The following KCNC2 variants were observed in gnomAD, a reference collection of about 807,000 sequenced individuals.
KCNC2 encodes voltage-gated potassium channel KCNC2.
In KCNC2, 21 loss-of-function variants were observed where a neutral mutation model predicts 44.5. The ratio of observed to expected loss-of-function variants is 0.47; its 90% CI spans 0.33 to 0.68. KCNC2 has a LOEUF of 0.68. Among genes scored for constraint, KCNC2 ranks in the 30% least tolerant of loss-of-function variants. The probability of loss-of-function intolerance (pLI) is 0.01; values close to 1 mark genes in which losing one functional copy is unlikely to be tolerated. For synonymous variants in KCNC2, 391 were observed against 339.1 expected (o/e 1.15, Z -1.68); for missense variants, 589 against 826.2 (o/e 0.71, Z 3.52).
At chr12:75,074,020 T>A (rs751790510) in intron 2 of KCNC2, among the ~76,000 whole-genome samples, 2 of 152,114 alleles carry the variant, frequency 1.3e-5, no homozygotes, top group African/African-American at 4.8e-5. Flanking sequence ...GTCTGCCTAT[T>A]GAAATTATAA....
At chr12:75,063,392 T>C (rs1012083992) in intron 2 of KCNC2, among the ~76,000 whole-genome samples, 1 of 152,094 alleles carries the variant, frequency 6.6e-6, no homozygotes, top group Non-Finnish European at 1.5e-5. Flanking sequence ...TAAACTTGGA[T>C]TGAATTGATT....
chr12:75,181,916 C>CTTTTTTTTT lies in KCNC2; in HGVS notation c.687+25372_687+25380dup, dbSNP rs61089425. 1.1e-3 allele frequency among the ~76,000 whole-genome samples: 53 copies of CTTTTTTTTT among 47,876 alleles called. 20 individuals are homozygous for CTTTTTTTTT. The highest frequency in any genetic ancestry group is 1.9e-3 in the Admixed American group (5 of 2,622). The allele number at this position is 47,876 out of a possible 152,430, so 31.4% of individuals were successfully genotyped here. On this transcript the variant is annotated intron_variant, in intron 2 of 4. Coordinates refer to ENST00000549446, the MANE Select transcript of KCNC2 (RefSeq NM_139137.4). ...AAACATTATTACTATTAATATCTTCCTTTTTTTTTTTTTTTTTTTTTTTTT... is the reference window on the plus strand; with the variant it reads ...AAACATTATTACTATTAATATCTTCCTTTTTTTTTTTTTTTTTTTTTTTTTTTTTTTTTT...
At chr12:75,050,014 G>T (rs994562549) in intron 3 of KCNC2, among the ~76,000 whole-genome samples, 1 of 151,960 alleles carries the variant, frequency 6.6e-6, no homozygotes, top group Non-Finnish European at 1.5e-5. Context: ...CAAGCCAAAC[G>T]ATATGGAGAT....
At chr12:75,066,128 CTTT>C (rs1882807896) in intron 2 of KCNC2, among the ~76,000 whole-genome samples, 1 of 152,032 alleles carries the variant, frequency 6.6e-6, no homozygotes, top group Non-Finnish European at 1.5e-5. Context: ...TCACCGTCTT[CTTT>C]ATCATTTTCT....
intron 3 of KCNC2, among the ~76,000 whole-genome samples, 181 bp downstream of exon 3, chr12:75,050,209 G>T (rs1450579903): frequency 6.6e-6 from 1 of 151,626 alleles, no homozygotes; most frequent in East Asian, 2.0e-4. Flanking sequence ...CCTACTTGGG[G>T]TTCAATTAGA....
chr12:75,198,617 T>C (rs1162411278), intron 2 of KCNC2, among the ~76,000 whole-genome samples: 2 of 151,852 alleles, frequency 1.3e-5, no homozygotes, highest in African/African-American at 2.4e-5. Flanking sequence ...AATTAATACA[T>C]CAACATCGGT....
In KCNC2 at chr12:75,048,288, C is replaced by T; in HGVS notation, c.1645G>A (p.Glu549Lys). 1 of 1,612,570 alleles carries T rather than the reference C, an allele frequency of 6.2e-7. No homozygotes were observed. The highest frequency in any genetic ancestry group is 8.5e-7 in the Non-Finnish European group (1 of 1,179,230). The change falls in exon 4 of 5, where the codon GAG (glutamate) becomes AAG (lysine). Residue 549 changes from glutamate (E) to lysine (K), a missense_variant. Glu to Lys is a moderately conservative substitution (Grantham distance 56). Around this residue, in one of 7 missense-constraint regions of KCNC2, gnomAD observed 171 missense variants for 182.4 expected, o/e 0.94. Coordinates refer to ENST00000549446, the MANE Select transcript of KCNC2 (RefSeq NM_139137.4). Reference sequence around the variant, plus strand: ...CTTTCTGGGGGTGATAGTGGCGGCTCACTTCCTGTACTGTCGTCACCTGAT... The same window carrying T: ...CTTTCTGGGGGTGATAGTGGCGGCTTACTTCCTGTACTGTCGTCACCTGAT... ...VLSGDDSTGS[E>K]PPLSPPERLP...
chr12:75,198,525 C>T (rs2030967619), intron 2 of KCNC2, among the ~76,000 whole-genome samples: 2 of 151,660 alleles, frequency 1.3e-5, no homozygotes, highest in African/African-American at 4.8e-5. Flanking sequence ...AAGAGAGAAG[C>T]AGAACAACTT....
intron 2 of KCNC2, among the ~76,000 whole-genome samples, chr12:75,163,900 C>T (rs1223105775): frequency 6.6e-6 from 1 of 151,662 alleles, no homozygotes; most frequent in Non-Finnish European, 1.5e-5. Context: ...ATGAGACTTG[C>T]TGCAAAGTTT....
At position 75,132,575 on chromosome 12, in the gene KCNC2, A is replaced by G. The variant is rs143225859; in HGVS notation, c.687+74722T>C. On this transcript the variant is annotated intron_variant, in intron 2 of 4. Coordinates refer to ENST00000549446, the MANE Select transcript of KCNC2 (RefSeq NM_139137.4). ...GCAAGGACACATGTTAAGGTGAAAC[A>G]TATTGTTGGCAAAATTGCAACTTTT... Among the ~76,000 whole-genome samples the G allele has an allele frequency of 3.9e-3, 599 of 152,270 alleles. 3 individuals are homozygous for G. Among genetic ancestry groups the G allele is most frequent in the Non-Finnish European group, 6.4e-3 (432 of 67,994 alleles).
chr12:75,100,743 A>T (rs981020640), intron 2 of KCNC2, among the ~76,000 whole-genome samples: 1 of 152,034 alleles, frequency 6.6e-6, no homozygotes, highest in Admixed American at 6.6e-5. Flanking sequence ...TATTGTCAAT[A>T]TGTTATGATT....
chr12:75,138,060 T>G (rs1391631084), intron 2 of KCNC2, among the ~76,000 whole-genome samples: 3 of 152,234 alleles, frequency 2.0e-5, no homozygotes, highest in Non-Finnish European at 2.9e-5. Context: ...TGGTCTCACA[T>G]GGACTGACTC....
chr12:75,095,530 T>C (rs1885850050), intron 2 of KCNC2, among the ~76,000 whole-genome samples: 1 of 151,806 alleles, frequency 6.6e-6, no homozygotes, highest in African/African-American at 2.4e-5. Context: ...CAGTGTTCCC[T>C]CTCCTTCTTG....
Position 75,209,481 on chromosome 12 carries a change from G to T in KCNC2, c.-294C>A, listed in dbSNP as rs1159445748. On this transcript the variant is annotated 5_prime_UTR_variant, in exon 1 of 5. Transcript: ENST00000549446. ...CCTCCGCGCCCAGAGTCACCATCGCGCAGGGTTGGGCAAACCATGGAGCTC... is the reference window on the plus strand; with the variant it reads ...CCTCCGCGCCCAGAGTCACCATCGCTCAGGGTTGGGCAAACCATGGAGCTC... The T allele has an allele frequency of 1.3e-5, 2 of 152,174 alleles. No individual in the cohort carries two copies. The highest frequency in any genetic ancestry group is 2.4e-5 in the African/African-American group (1 of 41,438). 9.4% of individuals were successfully genotyped at this position (152,174 alleles called of 1,614,324 possible).
At chr12:75,070,806 A>G (rs2137032978) in intron 2 of KCNC2, among the ~76,000 whole-genome samples, 2 of 152,220 alleles carry the variant, frequency 1.3e-5, no homozygotes, top group East Asian at 3.9e-4. Flanking sequence ...GTGGGAAATA[A>G]AGAGTACAAA....
At chr12:75,129,140 T>A (rs1888650921) in intron 2 of KCNC2, among the ~76,000 whole-genome samples, 1 of 152,186 alleles carries the variant, frequency 6.6e-6, no homozygotes, top group Non-Finnish European at 1.5e-5. Flanking sequence ...CTCAAGCTAC[T>A]GTCTTATAAA....
chr12:75,098,944 G>A (rs1008733539), intron 2 of KCNC2, among the ~76,000 whole-genome samples: 4 of 152,012 alleles, frequency 2.6e-5, no homozygotes, highest in African/African-American at 9.7e-5. Flanking sequence ...AACTTGGAAG[G>A]TTCTGTTCTC....
At chr12:75,070,773 A>T (rs1315339009) in intron 2 of KCNC2, among the ~76,000 whole-genome samples, 1 of 152,034 alleles carries the variant, frequency 6.6e-6, no homozygotes, top group Non-Finnish European at 1.5e-5. Context: ...TATAAATTGT[A>T]AATATTTATT....
At chr12:75,197,177 A>G (rs1228823342) in intron 2 of KCNC2, among the ~76,000 whole-genome samples, 1 of 152,084 alleles carries the variant, frequency 6.6e-6, no homozygotes, top group Non-Finnish European at 1.5e-5. Flanking sequence ...CTGATAAAAC[A>G]GTGTCCATTG....
Sources: allele counts gnomAD v4.1 joint callset (sites outside exome capture counted in the v4.1 genomes callset), GRCh38; gene constraint gnomAD v4.1.1; regional missense constraint gnomAD v4.1.1; transcripts MANE v1.5; gene names NCBI Gene and HGNC (gene_info 2026-07-23, HGNC 2026-07-21).